EVA1A: variants seen among roughly 807,000 people sequenced by gnomAD.
The protein encoded by EVA1A is eva-1 homolog A, regulator of programmed cell death.
A neutral mutation model predicts 9.8 loss-of-function variants in EVA1A; 7 were observed. That is an observed-to-expected ratio of 0.71 (90% CI 0.41 to 1.34). EVA1A has a LOEUF of 1.34. Ranked by LOEUF, EVA1A falls within the 40% of genes most tolerant of loss-of-function variation. The pLI is 0.01. For synonymous variants in EVA1A, 90 were observed against 85.6 expected (o/e 1.05, Z -0.28); for missense variants, 206 against 205.9 (o/e 1.00, Z 0.00).
rs141022194 is a variant in EVA1A, at chr2:75,551,077, C to T, written c.-192+9603G>A. ...GGCAGAGGTTGCAGTGAGCCAAGAT[C>T]GCACCACACATTCCAGCCTGGGCGA... On this transcript the variant is annotated intron_variant, in intron 1 of 3. Coordinates refer to ENST00000393913, the MANE Select transcript of EVA1A (RefSeq NM_001135032.2). 1.2e-3 allele frequency among the ~76,000 whole-genome samples: 177 copies of T among 152,160 alleles called. No homozygotes were observed. In the East Asian group the frequency reaches 0.016, roughly 14 times the overall value.
chr2:75,502,338 C>T (rs187119382), intron 3 of EVA1A, among the ~76,000 whole-genome samples: 1 of 152,150 alleles, frequency 6.6e-6, no homozygotes, highest in African/African-American at 2.4e-5. Context: ...AGGTTTCTAA[C>T]ATAATAACAA....
chr2:75,522,031 G>A (rs1352090700), intron 2 of EVA1A, among the ~76,000 whole-genome samples: 2 of 152,112 alleles, frequency 1.3e-5, no homozygotes, highest in Non-Finnish European at 2.9e-5. Context: ...TTAATTTTAA[G>A]TAAGAGATGT....
upstream of EVA1A, among the ~76,000 whole-genome samples, chr2:75,563,041 G>T (rs1676956744): frequency 6.6e-6 from 1 of 152,190 alleles, no homozygotes; most frequent in Admixed American, 6.5e-5. Flanking sequence ...TCTACCTTTG[G>T]ATTTAAAAAT....
At chr2:75,533,483 T>A (rs1257251564) in intron 1 of EVA1A, among the ~76,000 whole-genome samples, 2 of 152,090 alleles carry the variant, frequency 1.3e-5, no homozygotes, top group African/African-American at 4.8e-5. Flanking sequence ...ACTAAAGTCC[T>A]CTAAAAAGAA....
intron 3 of EVA1A, among the ~76,000 whole-genome samples, chr2:75,516,105 G>A (rs1235322314): frequency 2.6e-5 from 4 of 152,240 alleles, no homozygotes; most frequent in Non-Finnish European, 4.4e-5. Flanking sequence ...TGATAGAGCA[G>A]AATGAGGACA....
At chr2:75,530,218 A>G (rs567023037) in intron 1 of EVA1A, among the ~76,000 whole-genome samples, 1 of 152,288 alleles carries the variant, frequency 6.6e-6, no homozygotes, top group South Asian at 2.1e-4. Context: ...AGTAACTCTG[A>G]ATAGATCAAT....
intron 1 of EVA1A, among the ~76,000 whole-genome samples, chr2:75,527,426 C>T (rs1675488299): frequency 6.6e-6 from 1 of 152,194 alleles, no homozygotes; most frequent in Non-Finnish European, 1.5e-5. Flanking sequence ...CCTCCCCCTC[C>T]CCCTCTCCAC....
upstream of EVA1A, among the ~76,000 whole-genome samples, chr2:75,563,029 A>G (rs933587739): frequency 3.3e-5 from 5 of 152,352 alleles, no homozygotes; most frequent in African/African-American, 9.6e-5. Context: ...ACTCTGACCC[A>G]ATCTACCTTT....
chr2:75,524,560 G>A (rs1236442842), intron 1 of EVA1A, among the ~76,000 whole-genome samples: 4 of 152,080 alleles, frequency 2.6e-5, no homozygotes, highest in Non-Finnish European at 5.9e-5. Flanking sequence ...TTGCAGCATT[G>A]CAAATGCTGA....
chr2:75,520,943 C>G (rs1027308077), intron 2 of EVA1A, among the ~76,000 whole-genome samples: 1 of 152,184 alleles, frequency 6.6e-6, no homozygotes, highest in Non-Finnish European at 1.5e-5. Flanking sequence ...AATAATATAT[C>G]TGATAAAGGG....
intron 2 of EVA1A, chr2:75,518,875 C>T (rs1199308434): frequency 2.0e-6 from 2 of 985,300 alleles, no homozygotes; most frequent in Non-Finnish European, 2.4e-6. Context: ...GCTGGCTATC[C>T]CAGAACTGCC....
intron 1 of EVA1A, among the ~76,000 whole-genome samples, chr2:75,539,345 T>C (rs1023251223): frequency 3.3e-5 from 5 of 152,224 alleles, no homozygotes; most frequent in Non-Finnish European, 7.3e-5. Flanking sequence ...TGGGCTGATA[T>C]ACAAGAAAGT....
At chr2:75,496,629 G>A (rs1226943532) in intron 3 of EVA1A, among the ~76,000 whole-genome samples, 2 of 152,080 alleles carry the variant, frequency 1.3e-5, no homozygotes, top group Non-Finnish European at 2.9e-5. Flanking sequence ...CAGATTCAAT[G>A]CTATTCCTAT....
At chr2:75,519,487 G>A (rs1426883304) in intron 2 of EVA1A, among the ~76,000 whole-genome samples, 2 of 152,188 alleles carry the variant, frequency 1.3e-5, no homozygotes, top group African/African-American at 4.8e-5. Context: ...CAACTCACAG[G>A]CACAAAGAAA....
chr2:75,517,952 T>C (rs1384433298), intron 3 of EVA1A, 104 bp downstream of exon 3: 1 of 1,304,926 alleles, frequency 7.7e-7, no homozygotes, highest in Non-Finnish European at 1.1e-6. Context: ...TTTGATTACG[T>C]AGTGTGTCTT....
chr2:75,512,385 T>C (rs1242089654), intron 3 of EVA1A, among the ~76,000 whole-genome samples: 2 of 152,056 alleles, frequency 1.3e-5, no homozygotes, highest in African/African-American at 2.4e-5. Flanking sequence ...CCTAAGCCCA[T>C]TGATTCGAGG....
chr2:75,531,295 C>A (rs536495680), intron 1 of EVA1A, among the ~76,000 whole-genome samples: 1 of 152,156 alleles, frequency 6.6e-6, no homozygotes, highest in African/African-American at 2.4e-5. Context: ...CATTTTTACA[C>A]TGCTGGTGGG....
intron 1 of EVA1A, among the ~76,000 whole-genome samples, chr2:75,557,510 T>C (rs956521657): frequency 2.0e-5 from 3 of 152,228 alleles, no homozygotes; most frequent in Admixed American, 6.5e-5. Context: ...ACTCAGCTGG[T>C]GGCATTTATT....
intron 3 of EVA1A, among the ~76,000 whole-genome samples, chr2:75,501,887 G>C (rs557354598): frequency 5.9e-5 from 9 of 152,322 alleles, no homozygotes; most frequent in African/African-American, 2.2e-4. Context: ...GCCTTGAAGA[G>C]AACCTGCCTA....
Sources: gnomAD v4.1 joint callset for allele counts (sites outside exome capture counted in the v4.1 genomes callset) on GRCh38, gnomAD v4.1.1 for gene constraint, MANE v1.5 for transcripts, NCBI Gene and HGNC (gene_info 2026-07-23, HGNC 2026-07-21) for gene names.